EPM2A: variants seen among roughly 807,000 people sequenced by gnomAD.
EPM2A encodes laforin.
Under a neutral mutation model 26.5 loss-of-function variants are expected in EPM2A, and 21 were observed. The ratio of observed to expected loss-of-function variants is 0.79; its 90% CI spans 0.56 to 1.14. The LOEUF (loss-of-function observed/expected upper bound fraction) is 1.14, where lower values mean the gene tolerates loss of function less well. EPM2A is among the 50% of genes most tolerant of loss of function. The pLI, the probability that EPM2A is intolerant of heterozygous loss-of-function variation, is 0.00. For missense variants in EPM2A, 458 were observed against 440.8 expected, an observed-to-expected ratio of 1.04 and a Z score of -0.35; for synonymous variants, 217 against 177.6, an observed-to-expected ratio of 1.22 and a Z score of -1.76.
At chr6:145,570,639 T>C (rs149468119) in intron 2 of EPM2A, among the ~76,000 whole-genome samples, 4,832 of 152,332 alleles carry the variant, frequency 0.032, 87 homozygotes, top group African/African-American at 0.056. Context: ...CCATTCTGTG[T>C]TCCCTTTGCC....
At chr6:145,435,021 G>C (rs1778971736) in intron 4 of EPM2A, among the ~76,000 whole-genome samples, 1 of 152,024 alleles carries the variant, frequency 6.6e-6, no homozygotes, top group Non-Finnish European at 1.5e-5. Flanking sequence ...GCCTACTCTG[G>C]TCCCACCTTC....
chr6:145,436,305 C>T (rs1169156929), intron 4 of EPM2A, among the ~76,000 whole-genome samples: 1 of 152,128 alleles, frequency 6.6e-6, no homozygotes, highest in Admixed American at 6.6e-5. Flanking sequence ...CATAAAAGTT[C>T]ATAGACAAGA....
At chr6:145,444,317 T>C (rs1248690222) in intron 4 of EPM2A, among the ~76,000 whole-genome samples, 1 of 152,266 alleles carries the variant, frequency 6.6e-6, no homozygotes, top group Non-Finnish European at 1.5e-5. Context: ...AAAGGAACGT[T>C]GAATTTTATT....
rs1781030113 is a variant in EPM2A at position 145,576,254 on chromosome 6, G to T, written c.340+58991C>A. On this transcript the variant is annotated intron_variant, in intron 2 of 3. Coordinates refer to the EPM2A transcript ENST00000450221. ...ACCAATGCTACATGGGGAATGGAAA[G>T]AATTAACTCCTGGTAATCAAAAATT... 2.0e-5 allele frequency among the ~76,000 whole-genome samples: 3 copies of T among 152,296 alleles called. No homozygotes were observed. In the South Asian group the frequency reaches 6.2e-4, roughly 32 times the overall value.
At chr6:145,720,700 G>A (rs1308448090) in intron 1 of EPM2A, among the ~76,000 whole-genome samples, 1 of 152,128 alleles carries the variant, frequency 6.6e-6, no homozygotes, top group Non-Finnish European at 1.5e-5. Flanking sequence ...TATGGCAAAA[G>A]GCATGAATGT....
At chr6:145,539,986 G>C (rs537090160) in intron 2 of EPM2A, among the ~76,000 whole-genome samples, 4 of 152,244 alleles carry the variant, frequency 2.6e-5, no homozygotes, top group South Asian at 4.1e-4. Flanking sequence ...TCAGAGCCTG[G>C]AATTATTCAA....
intron 1 of EPM2A, among the ~76,000 whole-genome samples, chr6:145,710,030 G>A (rs1467888728): frequency 6.6e-6 from 1 of 152,052 alleles, no homozygotes; most frequent in African/African-American, 2.4e-5. Flanking sequence ...GAAAACCTAG[G>A]CAATACCATT....
intron 2 of EPM2A, among the ~76,000 whole-genome samples, chr6:145,591,145 G>A (rs1781268537): frequency 2.6e-5 from 4 of 152,124 alleles, no homozygotes; most frequent in Admixed American, 1.3e-4. Flanking sequence ...AAGAATCAGT[G>A]AGCTGAACTG....
intron 2 of EPM2A, chr6:145,637,464 A>C (rs1196169479): frequency 6.6e-6 from 1 of 152,096 alleles, no homozygotes. Context: ...CTGCAGGAGA[A>C]GAACAACTTT....
chr6:145,541,991 G>C (rs948296027), intron 2 of EPM2A, among the ~76,000 whole-genome samples: 1 of 151,660 alleles, frequency 6.6e-6, no homozygotes, highest in Admixed American at 6.6e-5. Context: ...AAGAGGCAAG[G>C]CTTCTCAAAT....
At chr6:145,496,385 T>TG (rs994662371) in intron 4 of EPM2A, among the ~76,000 whole-genome samples, 1 of 152,192 alleles carries the variant, frequency 6.6e-6, no homozygotes, top group Non-Finnish European at 1.5e-5. Context: ...CTAGCTAGGT[T>TG]GGGGGAGTTC....
chr6:145,683,234 T>A (rs1158986620), intron 2 of EPM2A, among the ~76,000 whole-genome samples: 1 of 149,328 alleles, frequency 6.7e-6, no homozygotes, highest in Admixed American at 6.8e-5. Flanking sequence ...AAAAATCACA[T>A]GGAGATGTTG....
At chr6:145,696,878 A>T (rs1230735655) in intron 1 of EPM2A, among the ~76,000 whole-genome samples, 2 of 151,378 alleles carry the variant, frequency 1.3e-5, no homozygotes, top group Non-Finnish European at 2.9e-5. Context: ...TATTTTGATG[A>T]CAAATAATAT....
chr6:145,412,782 A>G (rs915634230), intron 4 of EPM2A, among the ~76,000 whole-genome samples: 1 of 152,218 alleles, frequency 6.6e-6, no homozygotes, highest in East Asian at 1.9e-4. Flanking sequence ...ATAAATGAAC[A>G]TCCTGTTGTG....
chr6:145,520,727 T>G (rs1780191385), intron 2 of EPM2A, among the ~76,000 whole-genome samples: 1 of 151,958 alleles, frequency 6.6e-6, no homozygotes, highest in Non-Finnish European at 1.5e-5. Context: ...AATAAGCAAA[T>G]GATAAAATCT....
At chr6:145,562,338 G>C (rs1441178663) in intron 2 of EPM2A, among the ~76,000 whole-genome samples, 1 of 151,614 alleles carries the variant, frequency 6.6e-6, no homozygotes, top group East Asian at 1.9e-4. Flanking sequence ...ACCTATAAAA[G>C]ATGCAGACAT....
chr6:145,653,234 G>C (rs1270625741), intron 2 of EPM2A, among the ~76,000 whole-genome samples: 2 of 152,146 alleles, frequency 1.3e-5, no homozygotes, highest in South Asian at 2.1e-4. Flanking sequence ...TTGGATAATG[G>C]GGGCGGGTTT....
intron 2 of EPM2A, among the ~76,000 whole-genome samples, chr6:145,538,218 C>T (rs181017388): frequency 4.9e-4 from 75 of 152,088 alleles, no homozygotes; most frequent in Non-Finnish European, 8.8e-4. Flanking sequence ...TATGCTCCCA[C>T]CAACAGTGTA....
chr6:145,407,655 T>C (rs1002841340), intron 4 of EPM2A, among the ~76,000 whole-genome samples: 18 of 152,184 alleles, frequency 1.2e-4, no homozygotes, highest in African/African-American at 4.3e-4. Flanking sequence ...AGTCTAAAAG[T>C]TATTTCCCTT....
Sources: gnomAD v4.1 joint callset for allele counts (sites outside exome capture counted in the v4.1 genomes callset) on GRCh38, gnomAD v4.1.1 for gene constraint, MANE v1.5 for transcripts, NCBI Gene and HGNC (gene_info 2026-07-23, HGNC 2026-07-21) for gene names.